The following PPFIA4 variants were observed in gnomAD, a reference collection of about 807,000 sequenced individuals.
PPFIA4 encodes PPFI scaffold protein A4.
A neutral mutation model predicts 145.7 loss-of-function variants in PPFIA4; 98 were observed. The observed-to-expected ratio is 0.67, with a 90% confidence interval of 0.57 to 0.80. The LOEUF is 0.80. Among genes scored for constraint, PPFIA4 ranks in the 30% least tolerant of loss-of-function variants. The pLI is 0.00. For synonymous variants in PPFIA4, 628 were observed against 649.6 expected, an observed-to-expected ratio of 0.97 and a Z score of 0.51; for missense variants, 1,457 against 1,632.7, an observed-to-expected ratio of 0.89 and a Z score of 1.85.
chr1:203,052,026 C>G, intron 14 of PPFIA4, 149 bp downstream of exon 14: 7 of 737,408 alleles, frequency 9.5e-6, no homozygotes, highest in South Asian at 2.0e-5. Flanking sequence ...TTGAGGCCAT[C>G]GTCAGCTGCA....
Position 203,043,758 on chromosome 1 carries a change from T to C in PPFIA4, c.337-173T>C, listed in dbSNP as rs1659866327. Among the ~76,000 whole-genome samples the C allele has an allele frequency of 6.6e-6, 1 of 152,146 alleles. No homozygotes were observed. The highest frequency in any genetic ancestry group is 2.4e-5 in the African/African-American group (1 of 41,430). On this transcript the variant is annotated intron_variant, in intron 3 of 29. Coordinates refer to ENST00000295706, the MANE Select transcript of PPFIA4 (RefSeq NM_001304331.2). The surrounding 1 kb of genome is among the most constrained non-coding windows in gnomAD (Gnocchi z 4.4). ...TGGGGAGAGGCCGGGGCAGTCACCT[T>C]GAGTAGTATCAGTTGGGGCGGGAGC...
chr1:203,043,431 G>T lies in PPFIA4; in HGVS notation c.269G>T (p.Cys90Phe). ...FATLTRELSM[C>F]REQLLEREEE... ...ACCTTAACCCGGGAGCTGAGCATGT[G>T]TCGGGAGCAGCTTCTAGAGCGGGAG... The change falls in exon 3 of 30, where the codon TGT becomes TTT. Residue 90 changes from cysteine (C) to phenylalanine (F), a missense_variant. This residue lies in a region of PPFIA4 where 463 missense variants were observed against 459.8 expected (regional missense o/e 1.01). Coordinates refer to ENST00000295706, the MANE Select transcript of PPFIA4 (RefSeq NM_001304331.2). The surrounding 1 kb of genome is among the most constrained non-coding windows in gnomAD (Gnocchi z 4.4). The T allele has an allele frequency of 6.2e-7, 1 of 1,611,694 alleles. No individual in the cohort carries two copies. Among genetic ancestry groups the T allele is most frequent in the Non-Finnish European group, 8.5e-7 (1 of 1,179,380 alleles).
In PPFIA4 at chr1:203,060,831, G is replaced by A. The variant is rs1055230183; in HGVS notation, c.2785-139G>A. ...CCTGGGGTGGAGTCTTTCATTGTCGGCCATCTCCATGATTGAGACCAGCCC... is the reference window on the plus strand; with the variant it reads ...CCTGGGGTGGAGTCTTTCATTGTCGACCATCTCCATGATTGAGACCAGCCC... On this transcript the variant is annotated intron_variant, in intron 22 of 29. Coordinates refer to ENST00000295706, the MANE Select transcript of PPFIA4 (RefSeq NM_001304331.2). This position sits in a 1 kb window ranked among gnomAD's most constrained non-coding sequence, Gnocchi z 4.8. 3 of 740,402 alleles carry A rather than the reference G, an allele frequency of 4.1e-6. No individual in the cohort carries two copies. The highest frequency in any genetic ancestry group is 7.0e-6 in the Non-Finnish European group (3 of 428,246). 45.9% of individuals were successfully genotyped at this position (740,402 alleles called of 1,614,324 possible).
At position 203,044,751 on chromosome 1, in the gene PPFIA4, G is replaced by C. The variant is rs1362622072; in HGVS notation, c.632G>C (p.Gly211Ala). 6.4e-7 allele frequency: 1 copy of C among 1,566,490 alleles called. No individual in the cohort carries two copies. Among genetic ancestry groups the C allele is most frequent in the Admixed American group, 1.9e-5 (1 of 52,506 alleles). Residue 211 changes from glycine to alanine, a missense_variant, in exon 6 of 30, where the codon GGG becomes GCG. Gly to Ala is a moderately conservative substitution (Grantham distance 60). Around this residue, in one of 3 missense-constraint regions of PPFIA4, gnomAD observed 463 missense variants for 459.8 expected, o/e 1.01. Transcript: ENST00000295706. ...GVRDGAAEEEGTVELGPKRLW... is the reference protein window; with the variant it reads ...GVRDGAAEEEATVELGPKRLW... ...CGGGATGGAGCGGCAGAAGAGGAGG[G>C]GACTGTGGAGCTGGGGCCGAAACGC...
chr1:203,032,250 C>T (rs1658891155), intron 1 of PPFIA4, among the ~76,000 whole-genome samples: 1 of 152,108 alleles, frequency 6.6e-6, no homozygotes, highest in Non-Finnish European at 1.5e-5. Context: ...TTTGTCACAC[C>T]TCTTCACCCT....
chr1:203,062,479 CAAAAAAAAAAAAA>C (rs34987795), intron 24 of PPFIA4, among the ~76,000 whole-genome samples: 3 of 35,362 alleles, frequency 8.5e-5, no homozygotes, highest in Admixed American at 4.4e-4. Flanking sequence ...GACTCCGTCT[CAAAAAAAAAAAAA>C]AAAAAAAAAA....
chr1:203,050,679 G>A (rs1660443723), intron 13 of PPFIA4, among the ~76,000 whole-genome samples: 1 of 152,172 alleles, frequency 6.6e-6, no homozygotes, highest in African/African-American at 2.4e-5. Context: ...AAGCCCACGG[G>A]TGTCTGGGGT....
At chr1:203,065,751 T>C (rs959352568) in intron 25 of PPFIA4, among the ~76,000 whole-genome samples, 1 of 152,244 alleles carries the variant, frequency 6.6e-6, no homozygotes, top group Non-Finnish European at 1.5e-5. Flanking sequence ...AAAACCTTAT[T>C]TTACAGATAA....
Position 203,044,409 on chromosome 1 carries a change from C to A in PPFIA4, c.532C>A (p.Arg178=). 4 of 1,552,288 alleles carry A rather than the reference C, an allele frequency of 2.6e-6. No homozygotes were observed. The highest frequency in any genetic ancestry group is 3.5e-6 in the Non-Finnish European group (4 of 1,148,020). ...AGAGCGGCTCCGGGCAGCGCTGGAG[C>A]GAGTCACCACCTTGGAGGAGCAGCT... ...VRERLRAALE[R]VTTLEEQLAG... is the part of the protein sequence containing the mutation. The change falls in exon 5 of 30, where the codon CGA becomes AGA. Residue 178 remains arginine (R), a synonymous_variant. Coordinates refer to ENST00000295706, the MANE Select transcript of PPFIA4 (RefSeq NM_001304331.2).
chr1:203,027,236 G>T (rs987342910), intron 1 of PPFIA4, among the ~76,000 whole-genome samples: 1 of 152,130 alleles, frequency 6.6e-6, no homozygotes, highest in Non-Finnish European at 1.5e-5. Context: ...AGGGGTGGGC[G>T]CAACAGGAAA....
intron 19 of PPFIA4, among the ~76,000 whole-genome samples, chr1:203,057,373 C>T (rs1039645885): frequency 1.3e-5 from 2 of 152,164 alleles, no homozygotes; most frequent in African/African-American, 4.8e-5. Flanking sequence ...GCCTCTGGGA[C>T]TCAAAATGTG....
At chr1:203,031,080 C>A (rs945799327) in intron 1 of PPFIA4, among the ~76,000 whole-genome samples, 2 of 152,076 alleles carry the variant, frequency 1.3e-5, no homozygotes, top group Non-Finnish European at 2.9e-5. Flanking sequence ...TCCCCTTTTC[C>A]CCTCTCTCTC....
At chr1:203,028,931 G>A (rs1346234619) in intron 1 of PPFIA4, among the ~76,000 whole-genome samples, 1 of 152,130 alleles carries the variant, frequency 6.6e-6, no homozygotes, top group Non-Finnish European at 1.5e-5. Flanking sequence ...GTGGGACTTC[G>A]GGTGGCCAGC....
chr1:203,076,748 G>A lies in PPFIA4; in HGVS notation c.*358G>A. The A allele has an allele frequency of 3.2e-6, 1 of 309,222 alleles. No individual in the cohort carries two copies. The highest frequency in any genetic ancestry group is 6.0e-6 in the Non-Finnish European group (1 of 165,594). 19.2% of individuals were successfully genotyped at this position (309,222 alleles called of 1,614,324 possible). A position where few individuals can be genotyped will look rare whatever the true frequency, so the allele number is the denominator to read the frequency against. On this transcript the variant is annotated 3_prime_UTR_variant, in exon 30 of 30. Coordinates refer to ENST00000295706, the MANE Select transcript of PPFIA4 (RefSeq NM_001304331.2). ...TGCACTGCAACCTCCACCAGGACCA[G>A]GATCCTGGGCCACAGGCTGGGATGG...
At chr1:203,027,951 TC>T (rs1402504609) in intron 1 of PPFIA4, among the ~76,000 whole-genome samples, 18 of 152,234 alleles carry the variant, frequency 1.2e-4, no homozygotes, top group Admixed American at 1.2e-3. Flanking sequence ...GGCCAGGTAG[TC>T]CCAGGGAAGC....
intron 25 of PPFIA4, among the ~76,000 whole-genome samples, chr1:203,064,689 T>G (rs1387961786): frequency 6.6e-5 from 10 of 152,264 alleles, no homozygotes; most frequent in Non-Finnish European, 2.9e-5. Flanking sequence ...TCTGGATTTC[T>G]GGCTTCTTTT....
Position 203,055,409 on chromosome 1 carries a change from G to T in PPFIA4, c.1830-23G>T. 6.2e-7 allele frequency: 1 copy of T among 1,612,940 alleles called. No homozygotes were observed. Among genetic ancestry groups the T allele is most frequent in the Non-Finnish European group, 8.5e-7 (1 of 1,178,996 alleles). On this transcript the variant is annotated intron_variant, in intron 15 of 29. Coordinates refer to ENST00000295706, the MANE Select transcript of PPFIA4 (RefSeq NM_001304331.2). The surrounding 1 kb of genome is among the most constrained non-coding windows in gnomAD (Gnocchi z 4.8). The stretch of plus-strand genomic sequence containing the variant: ...GGTCCTGGCTGGGGCTAGTGGTGAG[G>T]TCTGGTTTTGCCTCCCTTCCAGGAT...
chr1:203,032,226 T>C (rs1658886988), intron 1 of PPFIA4, among the ~76,000 whole-genome samples: 1 of 152,204 alleles, frequency 6.6e-6, no homozygotes, highest in South Asian at 2.1e-4. Context: ...AAAGGGAATT[T>C]AGAGCCTTTT....
At chr1:203,049,870 T>A in intron 13 of PPFIA4, 103 bp downstream of exon 13, 1 of 1,035,474 alleles carries the variant, frequency 9.7e-7, no homozygotes, top group South Asian at 2.2e-5. Context: ...CTCAGGGTCC[T>A]CCTCCTGTTC....
Sources: gnomAD v4.1 joint callset for allele counts (sites outside exome capture counted in the v4.1 genomes callset) on GRCh38, gnomAD v4.1.1 for gene constraint, gnomAD v4.1.1 regional missense constraint, Gnocchi (gnomAD v3.1) non-coding constraint, MANE v1.5 for transcripts, NCBI Gene and HGNC (gene_info 2026-07-23, HGNC 2026-07-21) for gene names.